The following SEC14L4 variants were observed in gnomAD, a reference collection of about 807,000 sequenced individuals.
The protein encoded by SEC14L4 is SEC14 like lipid binding 4.
In SEC14L4, 42 loss-of-function variants were observed where a neutral mutation model predicts 55.1. The observed-to-expected ratio is 0.76, with a 90% CI of 0.60 to 0.99. SEC14L4 has a LOEUF of 0.99. SEC14L4 is among the 50% of genes least tolerant of loss of function. The pLI, the probability that SEC14L4 is intolerant of heterozygous loss-of-function variation, is 0.00. For missense variants in SEC14L4, 445 were observed against 512.1 expected (o/e 0.87, Z 1.27); for synonymous variants, 206 against 206.8 (o/e 1.00, Z 0.03).
chr22:30,489,937 C>A lies in SEC14L4; in HGVS notation c.*170G>T. 11 of 1,551,954 alleles carry A rather than the reference C, an allele frequency of 7.1e-6. No homozygotes were observed. The highest frequency in any genetic ancestry group is 2.0e-5 in the Admixed American group (1 of 51,022). On this transcript the variant is annotated 3_prime_UTR_variant, in exon 12 of 12. Coordinates refer to ENST00000255858, the MANE Select transcript of SEC14L4 (RefSeq NM_174977.4). The stretch of plus-strand genomic sequence containing the variant: ...TTCAGCATGGGCTATGCACTGGTGG[C>A]CCCTTCCTGCTTGGCCACTGTGCCA...
At chr22:30,490,784 G>T (rs1459981422) in intron 11 of SEC14L4, among the ~76,000 whole-genome samples, 2 of 152,144 alleles carry the variant, frequency 1.3e-5, no homozygotes, top group African/African-American at 4.8e-5. Context: ...TGATCTTTCA[G>T]CGGTCACAGA....
intron 4 of SEC14L4, 67 bp downstream of exon 4, chr22:30,495,516 G>T: frequency 1.2e-6 from 2 of 1,607,836 alleles, no homozygotes; most frequent in Non-Finnish European, 1.7e-6. Context: ...GTGGCTGGAC[G>T]TGGTAGGTGG....
intron 3 of SEC14L4, 71 bp from the exon 4 acceptor site, chr22:30,495,713 A>C (rs1363721290): frequency 6.8e-6 from 11 of 1,611,830 alleles, no homozygotes; most frequent in Non-Finnish European, 8.5e-6. Context: ...CCCTCTGCCC[A>C]CAGCCACCAA....
chr22:30,495,534 CA>C, intron 4 of SEC14L4, 48 bp downstream of exon 4: 1 of 1,611,330 alleles, frequency 6.2e-7, no homozygotes, highest in Non-Finnish European at 8.5e-7. Context: ...TGGGAGATGT[CA>C]GGGGTGAGGG....
At chr22:30,497,914 G>A (rs372962597) in intron 2 of SEC14L4, among the ~76,000 whole-genome samples, 30 of 152,218 alleles carry the variant, frequency 2.0e-4, no homozygotes, top group South Asian at 1.7e-3. Flanking sequence ...CAATAGAAAC[G>A]TGGCAAGTGT....
chr22:30,498,011 TAC>T (rs1936204763), intron 2 of SEC14L4, among the ~76,000 whole-genome samples: 1 of 152,130 alleles, frequency 6.6e-6, no homozygotes, highest in South Asian at 2.1e-4. Flanking sequence ...CAGTTCTATA[TAC>T]TTCAGAGATT....
intron 6 of SEC14L4, 62 bp from the exon 7 acceptor site, chr22:30,494,272 T>C (rs1936066571): frequency 1.5e-6 from 2 of 1,328,956 alleles, no homozygotes; most frequent in Non-Finnish European, 2.2e-6. Context: ...CATGGGTTTC[T>C]GTGGCCTCTG....
At chr22:30,505,110 C>G (rs1179106101) in intron 1 of SEC14L4, among the ~76,000 whole-genome samples, 1 of 141,260 alleles carries the variant, frequency 7.1e-6, no homozygotes, top group Non-Finnish European at 1.5e-5. Flanking sequence ...CCAGCCTGGA[C>G]GACAGAGCAA....
rs1569240366 is a variant in SEC14L4 at position 30,491,586 on chromosome 22, GA to G, written c.1067del (p.Leu356ProfsTer45). On this transcript the variant is annotated frameshift_variant, in exon 11 of 12. Transcript: ENST00000255858. LOFTEE classifies it low-confidence loss of function (END_TRUNC). ...CGCAGCTCTTACAGACGCCAGCCTG[GA>G]GGCAGGTGAGGCTCCCATCCTCAGG... ...MVPEDGSLTC[L>X]QAGVYVLRFD... 2 of 1,614,148 alleles carry G rather than the reference GA, an allele frequency of 1.2e-6. No homozygotes were observed. The highest frequency in any genetic ancestry group is 1.7e-6 in the Non-Finnish European group (2 of 1,180,018).
intron 2 of SEC14L4, among the ~76,000 whole-genome samples, chr22:30,498,881 T>A (rs1365981630): frequency 1.3e-5 from 2 of 152,206 alleles, no homozygotes; most frequent in African/African-American, 4.8e-5. Context: ...AGATATTCTG[T>A]TGTTGAACTA....
chr22:30,490,359 C>T (rs1935914669), intron 11 of SEC14L4, 113 bp from the exon 12 acceptor site: 25 of 1,524,516 alleles, frequency 1.6e-5, no homozygotes, highest in South Asian at 6.2e-5. Flanking sequence ...ATCCCTGGAA[C>T]GTCCTGCATC....
At position 30,495,636 on chromosome 22, in the gene SEC14L4, C is replaced by T. The variant is rs755689813; in HGVS notation, c.181G>A (p.Glu61Lys). 2 of 1,614,034 alleles carry T rather than the reference C, an allele frequency of 1.2e-6. No homozygotes were observed. The highest frequency in any genetic ancestry group is 2.2e-5 in the South Asian group (2 of 91,070). The change falls in exon 4 of 12, where the codon GAG (glutamate) becomes AAG (lysine). Residue 61 changes from glutamate (E) to lysine (K), a missense_variant. Physicochemically the swap from Glu to Lys is moderately conservative, Grantham distance 56. Transcript: ENST00000255858. ...KSEDMLRRHM[E>K]FRKQQDLDNI... ...TCCAGGTCTTGTTGCTTCCGGAACTCCATGTGCTGCAGGAACACAGCAGGA... is the reference window on the plus strand; with the variant it reads ...TCCAGGTCTTGTTGCTTCCGGAACTTCATGTGCTGCAGGAACACAGCAGGA...
chr22:30,499,871 A>G (rs1936265860), intron 2 of SEC14L4, among the ~76,000 whole-genome samples: 2 of 151,040 alleles, frequency 1.3e-5, no homozygotes, highest in Admixed American at 6.6e-5. Context: ...CTAGAAATTA[A>G]CTGTTTTTTT....
chr22:30,503,870 G>T, intron 1 of SEC14L4, 118 bp from the exon 2 acceptor site: 2 of 707,362 alleles, frequency 2.8e-6, no homozygotes, highest in Non-Finnish European at 4.7e-6. Flanking sequence ...ACCATGCAGG[G>T]TGCTGCCCTG....
At chr22:30,494,101 C>T (rs1936056563) in intron 7 of SEC14L4, 49 bp downstream of exon 7, 1 of 1,385,722 alleles carries the variant, frequency 7.2e-7, no homozygotes, top group East Asian at 2.3e-5. Flanking sequence ...ACTGTACCCC[C>T]AATTCCTGCT....
intron 2 of SEC14L4, among the ~76,000 whole-genome samples, chr22:30,503,381 C>T (rs1430470342): frequency 6.6e-6 from 1 of 152,040 alleles, no homozygotes; most frequent in Non-Finnish European, 1.5e-5. Flanking sequence ...TCTCCTGCCT[C>T]AGCCTCCTGA....
rs80195131 is a variant in SEC14L4 at position 30,495,413 on chromosome 22, A to G, written c.264T>C (p.Leu88=). ...GGCAGCCTTCGTAGTCGTAGCCACAAAGACCACCCGAGTCATACAGCTGGA... is the reference window on the plus strand; with the variant it reads ...GGCAGCCTTCGTAGTCGTAGCCACAGAGACCACCCGAGTCATACAGCTGGA... ...EVIQLYDSGG[L]CGYDYEGCPV... The change falls in exon 5 of 12, where the codon CTT becomes CTC. Residue 88 remains leucine (L), a synonymous_variant. Transcript: ENST00000255858. 3,843 of 1,613,898 alleles carry G rather than the reference A, an allele frequency of 2.4e-3. 69 individuals carry two copies. In the African/African-American group the frequency reaches 0.041, roughly 17 times the overall value.
Position 30,503,398 on chromosome 22 carries a change from G to A in SEC14L4, c.130+279C>T, listed in dbSNP as rs189393206. ...TCCTGCCTCAGCCTCCTGAGTAGCT[G>A]AGATTACAGGCATGTGCCACCAAGC... On this transcript the variant is annotated intron_variant, in intron 2 of 11. Coordinates refer to ENST00000255858, the MANE Select transcript of SEC14L4 (RefSeq NM_174977.4). Among the ~76,000 whole-genome samples the A allele has an allele frequency of 5.3e-5, 8 of 152,100 alleles. No homozygotes were observed. The East Asian group carries it at 1.5e-3, about 29-fold the overall frequency.
At chr22:30,492,343 G>A (rs539974022) in intron 8 of SEC14L4, 131 bp downstream of exon 8, 115 of 1,122,536 alleles carry the variant, frequency 1.0e-4, no homozygotes, top group Admixed American at 5.2e-4. Flanking sequence ...TTGCCCGTGC[G>A]TGTGGAGGCT....
Sources: gnomAD v4.1 joint callset for allele counts (sites outside exome capture counted in the v4.1 genomes callset) on GRCh38, gnomAD v4.1.1 for gene constraint, MANE v1.5 for transcripts, NCBI Gene and HGNC (gene_info 2026-07-23, HGNC 2026-07-21) for gene names.